STT3B: variants seen among roughly 807,000 people sequenced by gnomAD.
The protein encoded by STT3B is dolichyl-diphosphooligosaccharide--protein glycosyltransferase subunit STT3B.
A neutral mutation model predicts 96.8 loss-of-function variants in STT3B; 29 were observed. That is an observed-to-expected ratio of 0.30 (90% CI 0.22 to 0.41). The LOEUF is 0.41. STT3B is among the 10% of genes least tolerant of loss of function. The probability of loss-of-function intolerance (pLI) is 1.00; values close to 1 mark genes in which losing one functional copy is unlikely to be tolerated. For missense variants in STT3B, 640 were observed against 1,022.3 expected (o/e 0.63, Z 5.10); for synonymous variants, 367 against 360.0 (o/e 1.02, Z -0.22).
intron 3 of STT3B, among the ~76,000 whole-genome samples, chr3:31,590,758 C>A (rs893381994): frequency 1.3e-5 from 2 of 151,954 alleles, no homozygotes; most frequent in Admixed American, 1.3e-4. Context: ...GGAACACAGC[C>A]CTGGCCATTC....
At chr3:31,560,537 T>G (rs888608215) in intron 1 of STT3B, among the ~76,000 whole-genome samples, 1 of 152,080 alleles carries the variant, frequency 6.6e-6, no homozygotes, top group African/African-American at 2.4e-5. Context: ...ATAGTATCAT[T>G]AGCAATTTTT....
intron 7 of STT3B, 103 bp downstream of exon 7, chr3:31,617,178 A>AT (rs369534635): frequency 9.8e-4 from 650 of 665,266 alleles, no homozygotes; most frequent in Admixed American, 4.1e-3. Context: ...CTACAAAGTG[A>AT]TTTTTTTCTT....
At chr3:31,551,210 T>TTTGC (rs1475788052) in intron 1 of STT3B, among the ~76,000 whole-genome samples, 1 of 151,826 alleles carries the variant, frequency 6.6e-6, no homozygotes, top group Non-Finnish European at 1.5e-5. Flanking sequence ...TTTTTGTTTG[T>TTTGC]TTGTTTGTTT....
chr3:31,566,762 T>C (rs1698017493), intron 1 of STT3B, among the ~76,000 whole-genome samples: 2 of 152,190 alleles, frequency 1.3e-5, no homozygotes, highest in Admixed American at 1.3e-4. Context: ...TATCTGAATC[T>C]TTTCTCCTCT....
chr3:31,596,647 A>C, intron 3 of STT3B, 151 bp from the exon 4 acceptor site: 1 of 609,402 alleles, frequency 1.6e-6, no homozygotes, highest in South Asian at 2.1e-5. Context: ...AAATGCATAT[A>C]TGAAGTATGT....
Position 31,598,755 on chromosome 3 carries a change from T to C in STT3B, c.778-1605T>C, listed in dbSNP as rs536770141. On this transcript the variant is annotated intron_variant, in intron 4 of 15. Transcript: ENST00000295770. ...TTTCAACCTTAATGTAGTAGATACC[T>C]AGAGTCATTACCGAAATAATGGTCA... Among the ~76,000 whole-genome samples, 355 of 152,232 alleles carry C rather than the reference T, an allele frequency of 2.3e-3. 2 individuals are homozygous for C. The highest frequency in any genetic ancestry group is 8.1e-3 in the African/African-American group (336 of 41,554).
At chr3:31,568,000 CCT>C (rs1698045206) in intron 1 of STT3B, among the ~76,000 whole-genome samples, 1 of 151,746 alleles carries the variant, frequency 6.6e-6, no homozygotes, top group African/African-American at 2.4e-5. Context: ...ATTTTGCCCC[CCT>C]CTCTACCACC....
intron 4 of STT3B, 69 bp downstream of exon 4, chr3:31,596,932 C>T: frequency 8.7e-7 from 1 of 1,145,762 alleles, no homozygotes; most frequent in East Asian, 2.4e-5. Flanking sequence ...TTCTTTTCTC[C>T]TGAAGTCTGT....
chr3:31,615,614 G>A (rs1057417236), intron 6 of STT3B, among the ~76,000 whole-genome samples: 19 of 151,838 alleles, frequency 1.3e-4, no homozygotes, highest in African/African-American at 3.9e-4. Context: ...ATTTCTGAAT[G>A]GATGTTGTCA....
chr3:31,591,905 G>T (rs1205813862), intron 3 of STT3B, among the ~76,000 whole-genome samples: 1 of 151,854 alleles, frequency 6.6e-6, no homozygotes, highest in African/African-American at 2.4e-5. Context: ...GAGCAAATCT[G>T]CTGTAATGGG....
intron 11 of STT3B, among the ~76,000 whole-genome samples, chr3:31,624,077 G>C (rs78793809): frequency 6.6e-6 from 1 of 152,020 alleles, no homozygotes; most frequent in Non-Finnish European, 1.5e-5. Context: ...TAATAATCAC[G>C]TGTAAAATGG....
At chr3:31,617,120 A>G (rs369832273) in intron 7 of STT3B, 45 bp downstream of exon 7, 557 of 1,374,450 alleles carry the variant, frequency 4.1e-4, no homozygotes, top group Non-Finnish European at 5.1e-4. Flanking sequence ...CTATACAAAC[A>G]ATATAAGAAA....
At chr3:31,566,245 C>G (rs1257712025) in intron 1 of STT3B, among the ~76,000 whole-genome samples, 1 of 152,080 alleles carries the variant, frequency 6.6e-6, no homozygotes, top group African/African-American at 2.4e-5. Context: ...CATTAATTGC[C>G]CTGTTGCTGT....
intron 1 of STT3B, among the ~76,000 whole-genome samples, chr3:31,541,620 G>A (rs189655317): frequency 7.7e-4 from 117 of 151,794 alleles, no homozygotes; most frequent in African/African-American, 2.6e-3. Flanking sequence ...TCTGTTGCCC[G>A]GGCTGGATTG....
chr3:31,577,070 C>T (rs1350058632), intron 2 of STT3B, among the ~76,000 whole-genome samples: 2 of 151,928 alleles, frequency 1.3e-5, no homozygotes, highest in African/African-American at 4.8e-5. Flanking sequence ...TGTCTTGTAT[C>T]GGAGAAATAT....
At chr3:31,551,235 T>C (rs1275064037) in intron 1 of STT3B, among the ~76,000 whole-genome samples, 1 of 152,104 alleles carries the variant, frequency 6.6e-6, no homozygotes, top group African/African-American at 2.4e-5. Context: ...GTTTGGTTTT[T>C]GATAGGGTCT....
chr3:31,598,490 G>T (rs1436837422), intron 4 of STT3B, among the ~76,000 whole-genome samples: 2 of 152,174 alleles, frequency 1.3e-5, no homozygotes, highest in Admixed American at 6.5e-5. Context: ...AGAAAAAGCT[G>T]TAGAAAGACT....
At chr3:31,585,965 A>G (rs988546791) in intron 3 of STT3B, among the ~76,000 whole-genome samples, 1 of 152,058 alleles carries the variant, frequency 6.6e-6, no homozygotes, top group Non-Finnish European at 1.5e-5. Context: ...ACTTAGGTAA[A>G]TGCATAAGCA....
intron 7 of STT3B, 87 bp downstream of exon 7, chr3:31,617,162 G>C: frequency 8.4e-6 from 8 of 957,514 alleles, no homozygotes; most frequent in Non-Finnish European, 1.2e-5. Flanking sequence ...CTGAATAACA[G>C]CATGACTACA....
Sources: allele counts gnomAD v4.1 joint callset (sites outside exome capture counted in the v4.1 genomes callset), GRCh38; gene constraint gnomAD v4.1.1; transcripts MANE v1.5; gene names NCBI Gene and HGNC (gene_info 2026-07-23, HGNC 2026-07-21).